Variants in MLIP observed in about 807,000 individuals in gnomAD.
MLIP encodes muscular LMNA-interacting protein.
MLIP carries 79 observed loss-of-function variants against 84.8 expected under a neutral mutation model. That is an observed-to-expected ratio of 0.93 (90% confidence interval 0.78 to 1.12). The LOEUF (loss-of-function observed/expected upper bound fraction) is 1.12. Ranked by LOEUF, MLIP falls within the 50% of genes most tolerant of loss-of-function variation. The pLI is 0.00. For missense variants in MLIP, 1,257 were observed against 1,160.6 expected (o/e 1.08, Z -1.21); for synonymous variants, 504 against 463.0 (o/e 1.09, Z -1.14).
upstream of MLIP, chr6:54,111,404 T>C: frequency 6.6e-7 from 1 of 1,525,068 alleles, no homozygotes; most frequent in Non-Finnish European, 8.8e-7. Flanking sequence ...TGCGTGAGTG[T>C]GTGTGTGTTG....
chr6:54,159,724 G>T (rs1040001022), intron 5 of MLIP, among the ~76,000 whole-genome samples: 3 of 151,984 alleles, frequency 2.0e-5, no homozygotes, highest in Non-Finnish European at 2.9e-5. Context: ...GTGCCAAAAG[G>T]ATCCCTAAAT....
chr6:54,129,532 T>C (rs780998966), intron 3 of MLIP, among the ~76,000 whole-genome samples: 4 of 152,202 alleles, frequency 2.6e-5, no homozygotes, highest in Non-Finnish European at 4.4e-5. Context: ...TAATAGAGTA[T>C]GGAAGAGCAC....
In MLIP at chr6:54,265,800, A is replaced by G. The variant is rs1163410969; in HGVS notation, c.2977-150A>G. On this transcript the variant is annotated intron_variant, in intron 13 of 13. Transcript: ENST00000502396. ...TTAATAGTGAAACAAGGAAGGATCT[A>G]CTTAAGGAATAAAAATAAGCTTTTC... 13 of 669,392 alleles carry G rather than the reference A, an allele frequency of 1.9e-5. No individual in the cohort carries two copies. The East Asian group carries it at 3.1e-4, about 16-fold the overall frequency. The allele number at this position is 669,392 out of a possible 1,614,324, so 41.5% of individuals were successfully genotyped here. A position where few individuals can be genotyped will look rare whatever the true frequency, so the allele number is the denominator to read the frequency against.
intron 11 of MLIP, among the ~76,000 whole-genome samples, chr6:54,213,911 G>T (rs1267069817): frequency 6.6e-6 from 1 of 151,766 alleles, no homozygotes; most frequent in African/African-American, 2.4e-5. Flanking sequence ...TAAAACCATG[G>T]TCTATTCTGT....
intron 12 of MLIP, among the ~76,000 whole-genome samples, chr6:54,250,809 G>T (rs1364379095): frequency 1.4e-4 from 22 of 151,982 alleles, no homozygotes; most frequent in Admixed American, 1.4e-3. Flanking sequence ...TTCCTATGAG[G>T]TAGCATCCCT....
At chr6:54,211,423 G>A (rs973846749) in intron 11 of MLIP, among the ~76,000 whole-genome samples, 7 of 152,192 alleles carry the variant, frequency 4.6e-5, no homozygotes, top group East Asian at 1.9e-4. Flanking sequence ...GCATGGTAGA[G>A]TCAAGCTAGT....
chr6:54,256,848 G>A lies in MLIP; in HGVS notation c.2923-460G>A, dbSNP rs35506389. Among the ~76,000 whole-genome samples, 442 of 152,104 alleles carry A rather than the reference G, an allele frequency of 2.9e-3. 5 individuals are homozygous for A. Among genetic ancestry groups the A allele is most frequent in the South Asian group, 0.02 (97 of 4,820 alleles). On this transcript the variant is annotated intron_variant, in intron 12 of 13. Transcript: ENST00000502396. ...TAAAGCACAATATTTTACATTTCCAGTAAGTACTGTCTATAGATGCATCTA... is the reference window on the plus strand; with the variant it reads ...TAAAGCACAATATTTTACATTTCCAATAAGTACTGTCTATAGATGCATCTA...
intron 1 of MLIP, among the ~76,000 whole-genome samples, chr6:54,023,485 T>C (rs952060857): frequency 6.6e-6 from 1 of 152,086 alleles, no homozygotes; most frequent in African/African-American, 2.4e-5. Context: ...TCCAATGATA[T>C]GTAAATTTAC....
chr6:54,033,460 T>C (rs1303948406), intron 1 of MLIP, among the ~76,000 whole-genome samples: 1 of 152,008 alleles, frequency 6.6e-6, no homozygotes. Context: ...AGAGACAGGA[T>C]TTCACAATGT....
intron 5 of MLIP, among the ~76,000 whole-genome samples, chr6:54,153,325 T>A (rs1175591429): frequency 6.6e-6 from 1 of 152,096 alleles, no homozygotes; most frequent in Non-Finnish European, 1.5e-5. Flanking sequence ...CTAAGTTGCC[T>A]CTTTGATTTT....
chr6:54,256,140 C>A (rs9474776), intron 12 of MLIP, among the ~76,000 whole-genome samples: 8,881 of 152,158 alleles, frequency 0.058, 480 homozygotes, highest in East Asian at 0.2. Flanking sequence ...TGCTATGATA[C>A]CCAAAGGATT....
intron 1 of MLIP, among the ~76,000 whole-genome samples, chr6:54,102,138 G>A (rs986232470): frequency 3.3e-5 from 5 of 152,154 alleles, no homozygotes; most frequent in Admixed American, 2.6e-4. Context: ...TTCTAGCCAG[G>A]TGGACCTGAG....
chr6:54,096,738 C>T (rs190919110), intron 1 of MLIP, among the ~76,000 whole-genome samples: 40 of 152,262 alleles, frequency 2.6e-4, no homozygotes, highest in Admixed American at 1.2e-3. Context: ...TATCTGGCAC[C>T]CTGAATTTTG....
chr6:54,044,656 C>T lies in MLIP; in HGVS notation c.63+25565C>T, dbSNP rs540720044. On this transcript the variant is annotated intron_variant, in intron 1 of 12. Transcript: ENST00000274897. ...TAGACGTTTTTTTTTTTTTCTTCAA[C>T]GTCACCTTATTTCAAAAGAAGACCT... 3.4e-5 allele frequency among the ~76,000 whole-genome samples: 5 copies of T among 148,830 alleles called. No homozygotes were observed. The East Asian group carries it at 6.0e-4, about 18-fold the overall frequency.
intron 1 of MLIP, among the ~76,000 whole-genome samples, chr6:54,119,450 T>G (rs1561947552): frequency 6.6e-6 from 1 of 152,212 alleles, no homozygotes; most frequent in Admixed American, 6.5e-5. Flanking sequence ...AGACAAATAC[T>G]GCATGATCTC....
chr6:54,235,894 T>C (rs1781325583), intron 12 of MLIP, among the ~76,000 whole-genome samples: 1 of 152,148 alleles, frequency 6.6e-6, no homozygotes, highest in African/African-American at 2.4e-5. Context: ...CCATGAGCCA[T>C]ATAATACATG....
intron 1 of MLIP, among the ~76,000 whole-genome samples, chr6:54,054,729 C>A (rs1765557249): frequency 6.6e-6 from 1 of 152,136 alleles, no homozygotes. Context: ...TGGCAGCTTC[C>A]CGTTAAAGTC....
intron 1 of MLIP, among the ~76,000 whole-genome samples, chr6:54,112,485 G>C (rs925265237): frequency 6.6e-6 from 1 of 152,138 alleles, no homozygotes; most frequent in Non-Finnish European, 1.5e-5. Flanking sequence ...GCTTAAAAGC[G>C]AATACCAAAT....
chr6:54,193,920 G>T (rs1342475357), intron 10 of MLIP, among the ~76,000 whole-genome samples: 2 of 152,090 alleles, frequency 1.3e-5, no homozygotes, highest in Non-Finnish European at 2.9e-5. Flanking sequence ...GCACCCCAAG[G>T]TAGCTAAACC....
Sources: allele counts gnomAD v4.1 joint callset (sites outside exome capture counted in the v4.1 genomes callset), GRCh38; gene constraint gnomAD v4.1.1; transcripts MANE v1.5; gene names NCBI Gene and HGNC (gene_info 2026-07-23, HGNC 2026-07-21).